The following AIMP1 variants were observed in gnomAD, a reference collection of about 807,000 sequenced individuals.
AIMP1 encodes aminoacyl tRNA synthase complex-interacting multifunctional protein 1.
Under a neutral mutation model 33.1 loss-of-function variants are expected in AIMP1, and 24 were observed. The observed-to-expected ratio is 0.73, with a 90% CI of 0.53 to 1.02. The LOEUF is 1.02. Among genes scored for constraint, AIMP1 ranks in the 50% least tolerant of loss-of-function variants. AIMP1 has a pLI of 0.00. For synonymous variants in AIMP1, 120 were observed against 121.5 expected (o/e 0.99, Z 0.08); for missense variants, 367 against 364.8 (o/e 1.01, Z -0.05).
At chr4:106,346,909 C>T (rs1258674986) in intron 6 of AIMP1, among the ~76,000 whole-genome samples, 1 of 152,100 alleles carries the variant, frequency 6.6e-6, no homozygotes, top group Non-Finnish European at 1.5e-5. Flanking sequence ...GCTCATGGTT[C>T]AGCGGGCTGT....
chr4:106,339,567 C>G (rs1168263573), intron 6 of AIMP1, among the ~76,000 whole-genome samples: 1 of 152,224 alleles, frequency 6.6e-6, no homozygotes, highest in Non-Finnish European at 1.5e-5. Context: ...AATTAAACCT[C>G]TTTCCTTTAG....
At chr4:106,316,358 G>T (rs1023019505), upstream of AIMP1, 10 of 607,156 alleles carry the variant, frequency 1.6e-5, no homozygotes, top group South Asian at 1.0e-4. Context: ...CGGGGGGACG[G>T]GGGGGGTCGA....
chr4:106,329,772 C>CTTTTTTTTT lies in AIMP1; in HGVS notation c.391+1551_391+1559dup, dbSNP rs59016309. Among the ~76,000 whole-genome samples, 14 of 53,084 alleles carry CTTTTTTTTT rather than the reference C, an allele frequency of 2.6e-4. 2 individuals are homozygous for CTTTTTTTTT. Among genetic ancestry groups the CTTTTTTTTT allele is most frequent in the East Asian group, 1.1e-3 (2 of 1,858 alleles). 34.8% of individuals were successfully genotyped at this position (53,084 alleles called of 152,430 possible). ...ATGATCTTTCTAGACTGCTACATAT[C>CTTTTTTTTT]TTTTTTTTTTTTTTTTTTTTTTTTT... On this transcript the variant is annotated intron_variant, in intron 4 of 6. Coordinates refer to ENST00000672341, the MANE Select transcript of AIMP1 (RefSeq NM_001142416.2).
intron 6 of AIMP1, among the ~76,000 whole-genome samples, chr4:106,338,141 A>G (rs1769961396): frequency 6.6e-6 from 1 of 152,244 alleles, no homozygotes; most frequent in South Asian, 2.1e-4. Context: ...GAATTGGAAC[A>G]TGTTTAAAAG....
intron 5 of AIMP1, among the ~76,000 whole-genome samples, chr4:106,335,318 TTC>T (rs1769833254): frequency 6.6e-6 from 1 of 152,194 alleles, no homozygotes; most frequent in Non-Finnish European, 1.5e-5. Flanking sequence ...GCTTCATCTT[TTC>T]TGTTCTTATA....
intron 2 of AIMP1, among the ~76,000 whole-genome samples, chr4:106,325,976 G>A (rs1769441328): frequency 6.6e-6 from 1 of 152,050 alleles, no homozygotes; most frequent in African/African-American, 2.4e-5. Flanking sequence ...AGGGTCACAT[G>A]CCCCATGATT....
chr4:106,347,839 T>C lies in AIMP1; in HGVS notation c.*147T>C. 1 of 766,126 alleles carries C rather than the reference T, an allele frequency of 1.3e-6. No individual in the cohort carries two copies. Among genetic ancestry groups the C allele is most frequent in the East Asian group, 3.0e-5 (1 of 33,546 alleles). The allele number at this position is 766,126 out of a possible 1,614,324, so 47.5% of individuals were successfully genotyped here. A position where few individuals can be genotyped will look rare whatever the true frequency, so the allele number is the denominator to read the frequency against. ...TAGTCATTTACTTGGTATATATTGT[T>C]TTCATTGATTGGGGAAACACTAGAT... is the stretch of plus-strand genomic sequence containing the variant. On this transcript the variant is annotated 3_prime_UTR_variant, in exon 7 of 7. Transcript: ENST00000672341.
intron 6 of AIMP1, among the ~76,000 whole-genome samples, chr4:106,344,248 A>G (rs1770209712): frequency 6.6e-6 from 1 of 151,886 alleles, no homozygotes; most frequent in South Asian, 2.1e-4. Context: ...TCCTTTGGCA[A>G]TTTTACCCAG....
intron 5 of AIMP1, among the ~76,000 whole-genome samples, chr4:106,333,644 A>G (rs1364455343): frequency 6.6e-6 from 1 of 152,206 alleles, no homozygotes; most frequent in African/African-American, 2.4e-5. Flanking sequence ...AAAACAAACC[A>G]TGGTTACAGT....
chr4:106,318,914 A>G (rs140864547), intron 1 of AIMP1, among the ~76,000 whole-genome samples: 24 of 152,326 alleles, frequency 1.6e-4, no homozygotes, highest in Non-Finnish European at 2.8e-4. Flanking sequence ...CTAAGTAATA[A>G]GAAAGCATTG....
At chr4:106,316,359 G>GT, upstream of AIMP1, 9 of 608,582 alleles carry the variant, frequency 1.5e-5, no homozygotes, top group Non-Finnish European at 1.8e-5. Flanking sequence ...GGGGGGACGG[G>GT]GGGGGTCGAT....
At chr4:106,322,951 C>T (rs151178013) in intron 1 of AIMP1, among the ~76,000 whole-genome samples, 4,394 of 150,954 alleles carry the variant, frequency 0.029, 215 homozygotes, top group African/African-American at 0.099. Flanking sequence ...GCCACTGCAC[C>T]CCAGCCTGGG....
intron 1 of AIMP1, among the ~76,000 whole-genome samples, chr4:106,317,520 TAAG>T (rs1424927800): frequency 1.3e-5 from 2 of 152,128 alleles, no homozygotes; most frequent in African/African-American, 4.8e-5. Context: ...AGGAGACCAA[TAAG>T]AAGAGTTTTG....
At chr4:106,327,029 A>G (rs1769479636) in intron 2 of AIMP1, among the ~76,000 whole-genome samples, 1 of 152,146 alleles carries the variant, frequency 6.6e-6, no homozygotes, top group Admixed American at 6.5e-5. Flanking sequence ...CTCTTGCCTC[A>G]GCCTTTGAAA....
At chr4:106,339,822 A>G (rs779772961) in intron 6 of AIMP1, among the ~76,000 whole-genome samples, 5 of 152,220 alleles carry the variant, frequency 3.3e-5, no homozygotes, top group African/African-American at 7.2e-5. Context: ...ATCTAATAAT[A>G]TACTTGCATA....
At chr4:106,326,481 C>T (rs1020814152) in intron 2 of AIMP1, among the ~76,000 whole-genome samples, 4 of 152,078 alleles carry the variant, frequency 2.6e-5, no homozygotes, top group African/African-American at 9.7e-5. Context: ...CAGTACCAAC[C>T]CCACTGAGAA....
chr4:106,317,882 C>T (rs1289973261), intron 1 of AIMP1, among the ~76,000 whole-genome samples: 2 of 152,114 alleles, frequency 1.3e-5, no homozygotes, highest in Admixed American at 1.3e-4. Context: ...GTCTAGTCTG[C>T]AAATCTTAAC....
chr4:106,327,998 T>C (rs915964552), intron 3 of AIMP1, 78 bp from the exon 4 acceptor site: 3 of 1,569,204 alleles, frequency 1.9e-6, no homozygotes, highest in Non-Finnish European at 2.6e-6. Context: ...AGAGTTCCCA[T>C]TTGTGGTTCA....
intron 6 of AIMP1, among the ~76,000 whole-genome samples, chr4:106,345,657 C>T (rs1406171761): frequency 6.6e-6 from 1 of 151,812 alleles, no homozygotes; most frequent in Admixed American, 6.6e-5. Context: ...CAATTAACTA[C>T]TCTGTTATCT....
Sources: gnomAD v4.1 joint callset for allele counts (sites outside exome capture counted in the v4.1 genomes callset) on GRCh38, gnomAD v4.1.1 for gene constraint, MANE v1.5 for transcripts, NCBI Gene and HGNC (gene_info 2026-07-23, HGNC 2026-07-21) for gene names.